Variants in ANKS1B observed in about 807,000 individuals in gnomAD.
ANKS1B encodes ankyrin repeat and sterile alpha motif domain containing 1B.
Under a neutral mutation model 148.3 loss-of-function variants are expected in ANKS1B, and 36 were observed. The observed-to-expected ratio is 0.24, with a 90% CI of 0.19 to 0.32. ANKS1B has a LOEUF of 0.32. Ranked by LOEUF, ANKS1B falls within the 10% of genes least tolerant of loss-of-function variation. ANKS1B has a pLI of 1.00. For missense variants in ANKS1B, 1,157 were observed against 1,542.6 expected (o/e 0.75, Z 4.19); for synonymous variants, 542 against 560.8 (o/e 0.97, Z 0.47).
chr12:99,032,357 AGT>A lies in ANKS1B; in HGVS notation c.2778+20798_2778+20799del, dbSNP rs563707985. 2.6e-5 allele frequency among the ~76,000 whole-genome samples: 4 copies of A among 152,308 alleles called. No individual in the cohort carries two copies. In the East Asian group the frequency reaches 7.7e-4, roughly 29 times the overall value. On this transcript the variant is annotated intron_variant, in intron 17 of 26. Transcript: ENST00000683438. ...TTCTGGGGGCCAGAATTCTGAAATC[AGT>A]GTGTCAGCAGGGCATTCTCCCTCTG...
chr12:99,671,486 A>G (rs1034445155), intron 8 of ANKS1B, among the ~76,000 whole-genome samples: 1 of 152,106 alleles, frequency 6.6e-6, no homozygotes, highest in Non-Finnish European at 1.5e-5. Context: ...TCAATATACA[A>G]CATATATTCC....
At chr12:99,594,415 T>C (rs1373359277) in intron 9 of ANKS1B, among the ~76,000 whole-genome samples, 1 of 152,088 alleles carries the variant, frequency 6.6e-6, no homozygotes, top group Non-Finnish European at 1.5e-5. Context: ...ATCATGTTCA[T>C]CGCAACATTA....
At chr12:99,854,559 T>G (rs544726037) in intron 1 of ANKS1B, among the ~76,000 whole-genome samples, 4 of 152,244 alleles carry the variant, frequency 2.6e-5, no homozygotes, top group Non-Finnish European at 5.9e-5. Context: ...ACCTGGGAAA[T>G]TCATCGCAAA....
At chr12:99,934,501 G>A (rs773041876) in intron 1 of ANKS1B, among the ~76,000 whole-genome samples, 4 of 151,994 alleles carry the variant, frequency 2.6e-5, no homozygotes, top group Non-Finnish European at 4.4e-5. Flanking sequence ...TCTTGGTAGG[G>A]TATGTGATTA....
At chr12:99,638,159 A>G (rs1256708692) in intron 9 of ANKS1B, among the ~76,000 whole-genome samples, 1 of 152,108 alleles carries the variant, frequency 6.6e-6, no homozygotes, top group Non-Finnish European at 1.5e-5. Context: ...AGAGTGGGGG[A>G]CTGCTATAAA....
Position 99,884,371 on chromosome 12 carries a change from T to G in ANKS1B, c.135-58982A>C, listed in dbSNP as rs1415318048. On this transcript the variant is annotated intron_variant, in intron 1 of 26. Coordinates refer to ENST00000683438, the MANE Select transcript of ANKS1B (RefSeq NM_001352186.2). Reference sequence around the variant, plus strand: ...TTTCTGACAAAGGTAAACATTCATTTAACTTATGACCCAGTAATTCCACTC... The same window carrying G: ...TTTCTGACAAAGGTAAACATTCATTGAACTTATGACCCAGTAATTCCACTC... Among the ~76,000 whole-genome samples the G allele has an allele frequency of 3.3e-5, 5 of 152,328 alleles. No homozygotes were observed. The East Asian group carries it at 9.6e-4, about 29-fold the overall frequency.
At chr12:99,662,727 A>G (rs963222449) in intron 8 of ANKS1B, among the ~76,000 whole-genome samples, 13 of 152,172 alleles carry the variant, frequency 8.5e-5, no homozygotes, top group African/African-American at 3.1e-4. Context: ...TGCACAATTT[A>G]CATTTTACCA....
intron 12 of ANKS1B, among the ~76,000 whole-genome samples, chr12:99,307,697 T>A (rs928506768): frequency 6.6e-6 from 1 of 151,712 alleles, no homozygotes; most frequent in East Asian, 1.9e-4. Flanking sequence ...TTTCTGGAGC[T>A]TAGCTCAACT....
chr12:98,869,168 A>C (rs1191610444), intron 17 of ANKS1B, among the ~76,000 whole-genome samples: 1 of 152,170 alleles, frequency 6.6e-6, no homozygotes, highest in Non-Finnish European at 1.5e-5. Flanking sequence ...CATAAGCTCC[A>C]TGAGGAAGGA....
intron 9 of ANKS1B, among the ~76,000 whole-genome samples, chr12:99,587,335 G>T (rs1389669458): frequency 6.6e-6 from 1 of 152,122 alleles, no homozygotes; most frequent in Non-Finnish European, 1.5e-5. Context: ...CTCTTGGTAT[G>T]AATATAAGCT....
intron 23 of ANKS1B, chr12:98,781,497 C>T: frequency 2.0e-6 from 1 of 511,930 alleles, no homozygotes; most frequent in Non-Finnish European, 3.8e-6. Context: ...TACTTCTTTT[C>T]CCTGACACTA....
At chr12:99,808,349 CA>C (rs1260643253) in intron 3 of ANKS1B, among the ~76,000 whole-genome samples, 3 of 151,960 alleles carry the variant, frequency 2.0e-5, no homozygotes, top group African/African-American at 7.2e-5. Context: ...AGTAGAGTGA[CA>C]AGGGGAAAAC....
chr12:99,978,351 C>T (rs2095653136), intron 1 of ANKS1B, among the ~76,000 whole-genome samples: 1 of 152,138 alleles, frequency 6.6e-6, no homozygotes. Flanking sequence ...GAAAAGGGAG[C>T]TGAAAACCCT....
intron 12 of ANKS1B, among the ~76,000 whole-genome samples, chr12:99,313,946 G>C (rs1388401227): frequency 1.3e-5 from 2 of 152,096 alleles, no homozygotes; most frequent in Non-Finnish European, 2.9e-5. Flanking sequence ...AGAAACAAAG[G>C]GCCTTCAAAT....
At chr12:99,338,552 C>A (rs1316245808) in intron 12 of ANKS1B, among the ~76,000 whole-genome samples, 1 of 152,174 alleles carries the variant, frequency 6.6e-6, no homozygotes, top group East Asian at 1.9e-4. Context: ...AGCTGCACAA[C>A]AAAATCTCCT....
chr12:98,954,586 C>T (rs1006831286), intron 17 of ANKS1B, among the ~76,000 whole-genome samples: 2 of 152,194 alleles, frequency 1.3e-5, no homozygotes, highest in Admixed American at 6.5e-5. Flanking sequence ...CATGTAATTT[C>T]ACAATTGCAT....
chr12:99,380,251 G>A (rs1174033601), intron 12 of ANKS1B, among the ~76,000 whole-genome samples: 2 of 152,164 alleles, frequency 1.3e-5, no homozygotes, highest in Non-Finnish European at 1.5e-5. Context: ...GCTTTCACCA[G>A]CTATATTTGT....
At chr12:99,721,420 TCTAC>T (rs1328537431) in intron 8 of ANKS1B, among the ~76,000 whole-genome samples, 4 of 152,140 alleles carry the variant, frequency 2.6e-5, no homozygotes, top group Non-Finnish European at 4.4e-5. Context: ...CTGATGACAT[TCTAC>T]CACAAAAGAA....
intron 8 of ANKS1B, among the ~76,000 whole-genome samples, chr12:99,724,977 T>C (rs2058474322): frequency 6.6e-6 from 1 of 152,144 alleles, no homozygotes; most frequent in African/African-American, 2.4e-5. Flanking sequence ...ATCACCACCA[T>C]GCCTGCCTTA....
Sources: allele counts gnomAD v4.1 joint callset (sites outside exome capture counted in the v4.1 genomes callset), GRCh38; gene constraint gnomAD v4.1.1; transcripts MANE v1.5; gene names NCBI Gene and HGNC (gene_info 2026-07-23, HGNC 2026-07-21).